The following GNA14 variants were observed in gnomAD, a reference collection of about 807,000 sequenced individuals.
GNA14 encodes guanine nucleotide-binding protein subunit alpha-14.
A neutral mutation model predicts 42.0 loss-of-function variants in GNA14; 50 were observed. That is an observed-to-expected ratio of 1.19 (90% confidence interval 0.95 to 1.51). GNA14 has a LOEUF of 1.51. Among genes scored for constraint, GNA14 ranks in the 40% most tolerant of loss-of-function variants. GNA14 has a pLI of 0.00. For missense variants in GNA14, 473 were observed against 446.2 expected, an observed-to-expected ratio of 1.06 and a Z score of -0.54; for synonymous variants, 173 against 163.1, an observed-to-expected ratio of 1.06 and a Z score of -0.46.
At chr9:77,638,132 AT>A (rs1322070357) in intron 1 of GNA14, among the ~76,000 whole-genome samples, 1 of 152,208 alleles carries the variant, frequency 6.6e-6, no homozygotes, top group Non-Finnish European at 1.5e-5. Flanking sequence ...CTCATTTCAG[AT>A]TGGTCAAGTA....
intron 1 of GNA14, among the ~76,000 whole-genome samples, chr9:77,535,847 A>T (rs1837590281): frequency 6.7e-6 from 1 of 150,162 alleles, no homozygotes. Flanking sequence ...TATGCCTGGG[A>T]CTGGAATGCT....
At chr9:77,430,346 G>A (rs1170830194) in intron 4 of GNA14, among the ~76,000 whole-genome samples, 1 of 152,138 alleles carries the variant, frequency 6.6e-6, no homozygotes, top group African/African-American at 2.4e-5. Context: ...GTCCAAGAAG[G>A]ATAAACTTAG....
chr9:77,647,231 C>T (rs1824370705), intron 1 of GNA14, among the ~76,000 whole-genome samples: 1 of 152,194 alleles, frequency 6.6e-6, no homozygotes, highest in Admixed American at 6.5e-5. Flanking sequence ...GAACTTAGCA[C>T]GATCTGGCAC....
At chr9:77,535,457 T>C (rs1478779656) in intron 1 of GNA14, among the ~76,000 whole-genome samples, 1 of 151,948 alleles carries the variant, frequency 6.6e-6, no homozygotes, top group Non-Finnish European at 1.5e-5. Context: ...GGCAGGAGAA[T>C]GGCATGAACC....
chr9:77,524,898 G>C (rs1837411095), intron 2 of GNA14, among the ~76,000 whole-genome samples: 1 of 152,102 alleles, frequency 6.6e-6, no homozygotes, highest in Non-Finnish European at 1.5e-5. Flanking sequence ...TTTGCTCATA[G>C]TGGCTTATGA....
intron 2 of GNA14, among the ~76,000 whole-genome samples, chr9:77,489,011 A>T (rs1421016223): frequency 6.6e-6 from 1 of 152,150 alleles, no homozygotes; most frequent in East Asian, 1.9e-4. Flanking sequence ...TTTTAAAGAC[A>T]CTCAGTGATC....
chr9:77,545,716 C>T (rs1206081769), intron 1 of GNA14, among the ~76,000 whole-genome samples: 4 of 151,960 alleles, frequency 2.6e-5, no homozygotes, highest in Non-Finnish European at 4.4e-5. Context: ...CACACTGTTC[C>T]GCATTACTTT....
chr9:77,515,077 G>A (rs79582538), intron 2 of GNA14, among the ~76,000 whole-genome samples: 2,388 of 152,252 alleles, frequency 0.016, 71 homozygotes, highest in African/African-American at 0.054. Flanking sequence ...TGGACACTGC[G>A]AGAGACACGT....
chr9:77,462,725 C>T (rs917414982), intron 2 of GNA14, among the ~76,000 whole-genome samples: 6 of 12,540 alleles, frequency 4.8e-4, no homozygotes, highest in African/African-American at 7.9e-4. Context: ...CATCTCGGGG[C>T]GGGGGGTGGG....
At chr9:77,470,300 C>G (rs1171809181) in intron 2 of GNA14, among the ~76,000 whole-genome samples, 2 of 152,128 alleles carry the variant, frequency 1.3e-5, no homozygotes, top group South Asian at 2.1e-4. Flanking sequence ...CAGCACCCAT[C>G]AGGTGCTTTG....
intron 1 of GNA14, among the ~76,000 whole-genome samples, chr9:77,614,245 A>G (rs967792451): frequency 6.6e-6 from 1 of 152,156 alleles, no homozygotes; most frequent in Non-Finnish European, 1.5e-5. Flanking sequence ...GAGGACTGAG[A>G]ATAGGAGATT....
chr9:77,547,327 AT>A (rs1837732350), intron 1 of GNA14, among the ~76,000 whole-genome samples: 1 of 152,242 alleles, frequency 6.6e-6, no homozygotes, highest in Non-Finnish European at 1.5e-5. Flanking sequence ...GGGGAAAAAT[AT>A]CTTTCCACCA....
At chr9:77,472,469 G>A (rs905775147) in intron 2 of GNA14, among the ~76,000 whole-genome samples, 2 of 152,080 alleles carry the variant, frequency 1.3e-5, no homozygotes, top group Non-Finnish European at 2.9e-5. Context: ...CAGAGAAAAA[G>A]GGAAGAATTA....
intron 2 of GNA14, among the ~76,000 whole-genome samples, chr9:77,475,476 T>C (rs1029216125): frequency 3.9e-5 from 6 of 152,118 alleles, no homozygotes; most frequent in African/African-American, 1.4e-4. Context: ...TGGGGATGAA[T>C]GTGGGGCTTA....
At chr9:77,505,183 C>G (rs1837048687) in intron 2 of GNA14, among the ~76,000 whole-genome samples, 1 of 152,158 alleles carries the variant, frequency 6.6e-6, no homozygotes, top group Admixed American at 6.5e-5. Context: ...TAAGTAGAAA[C>G]AGCCTGGTGA....
chr9:77,531,755 T>C (rs971104337), intron 1 of GNA14, among the ~76,000 whole-genome samples: 16 of 152,174 alleles, frequency 1.1e-4, no homozygotes, highest in African/African-American at 3.9e-4. Context: ...TCACTTACAA[T>C]GTTATTAATA....
At chr9:77,600,127 T>G (rs1029155773) in intron 1 of GNA14, among the ~76,000 whole-genome samples, 3 of 152,322 alleles carry the variant, frequency 2.0e-5, no homozygotes, top group Non-Finnish European at 4.4e-5. Flanking sequence ...ATAAACAGCA[T>G]GAATGTCCTT....
At chr9:77,592,266 G>T (rs772226644) in intron 1 of GNA14, among the ~76,000 whole-genome samples, 1 of 152,128 alleles carries the variant, frequency 6.6e-6, no homozygotes, top group Non-Finnish European at 1.5e-5. Context: ...TAAGTAGGAG[G>T]TTGTGAACTA....
chr9:77,453,572 G>T (rs1006015229), intron 2 of GNA14, among the ~76,000 whole-genome samples: 1 of 152,220 alleles, frequency 6.6e-6, no homozygotes, highest in Admixed American at 6.5e-5. Flanking sequence ...ATGAAAATGT[G>T]TAACTATGCG....
Sources: allele counts gnomAD v4.1 joint callset (sites outside exome capture counted in the v4.1 genomes callset), GRCh38; gene constraint gnomAD v4.1.1; transcripts MANE v1.5; gene names NCBI Gene and HGNC (gene_info 2026-07-23, HGNC 2026-07-21).